Variants in TMEFF2 observed in about 807,000 individuals in gnomAD.
The protein encoded by TMEFF2 is transmembrane protein with EGF like and two follistatin like domains 2.
TMEFF2 carries 28 observed loss-of-function variants against 53.8 expected under a neutral mutation model. The observed-to-expected ratio is 0.52, with a 90% CI of 0.39 to 0.71. The LOEUF is 0.71. TMEFF2 is among the 30% of genes least tolerant of loss of function. TMEFF2 has a pLI of 0.00. For missense variants in TMEFF2, 353 were observed against 455.2 expected, an observed-to-expected ratio of 0.78 and a Z score of 2.04; for synonymous variants, 162 against 166.3, an observed-to-expected ratio of 0.97 and a Z score of 0.20.
At position 191,998,430 on chromosome 2, in the gene TMEFF2, A is replaced by G; in HGVS notation, c.686-109T>C. 3 of 759,842 alleles carry G rather than the reference A, an allele frequency of 3.9e-6. No homozygotes were observed. In the South Asian group the frequency reaches 5.9e-5, roughly 15 times the overall value. 47.1% of individuals were successfully genotyped at this position (759,842 alleles called of 1,614,324 possible). On this transcript the variant is annotated intron_variant, in intron 6 of 9. Transcript: ENST00000272771. ...TCTTCATTGCAATTAAGGAATTTTT[A>G]CAACTGTAGTTCTAAGCAACCTGCA...
chr2:192,127,463 G>A (rs186613563), intron 4 of TMEFF2, among the ~76,000 whole-genome samples: 45 of 152,178 alleles, frequency 3.0e-4, no homozygotes, highest in Non-Finnish European at 5.9e-4. Context: ...AATCCAAAAT[G>A]TAAAAATTAT....
At chr2:192,063,645 A>C (rs1036258088) in intron 4 of TMEFF2, among the ~76,000 whole-genome samples, 1 of 151,822 alleles carries the variant, frequency 6.6e-6, no homozygotes, top group Admixed American at 6.6e-5. Context: ...TTACTGAGAA[A>C]ATAGTGTTAA....
intron 5 of TMEFF2, among the ~76,000 whole-genome samples, chr2:192,038,210 A>G (rs954970997): frequency 5.9e-5 from 9 of 152,236 alleles, no homozygotes; most frequent in Admixed American, 2.6e-4. Context: ...ATGTTGACAG[A>G]ACAGGTAAGA....
chr2:191,995,407 G>C (rs1686200292), intron 7 of TMEFF2, among the ~76,000 whole-genome samples: 3 of 151,970 alleles, frequency 2.0e-5, no homozygotes, highest in Admixed American at 2.0e-4. Flanking sequence ...TCCCTCAGGT[G>C]GGAGAGTCCG....
At chr2:192,070,909 G>T (rs77887596) in intron 4 of TMEFF2, among the ~76,000 whole-genome samples, 1 of 151,830 alleles carries the variant, frequency 6.6e-6, no homozygotes, top group Non-Finnish European at 1.5e-5. Flanking sequence ...TTTCCTAGGT[G>T]CCTTGTGGTT....
intron 4 of TMEFF2, among the ~76,000 whole-genome samples, chr2:192,154,489 G>A (rs1164258975): frequency 6.6e-6 from 1 of 151,978 alleles, no homozygotes; most frequent in East Asian, 1.9e-4. Context: ...ACAGTGGAGA[G>A]CTTCTATTTA....
intron 4 of TMEFF2, among the ~76,000 whole-genome samples, chr2:192,075,444 G>A (rs1437546809): frequency 6.7e-6 from 1 of 150,270 alleles, no homozygotes; most frequent in Non-Finnish European, 1.5e-5. Context: ...TGGGACCCTT[G>A]AGCAGCATAT....
intron 5 of TMEFF2, among the ~76,000 whole-genome samples, chr2:192,023,740 C>A (rs1258795061): frequency 1.3e-5 from 2 of 152,070 alleles, no homozygotes; most frequent in Non-Finnish European, 2.9e-5. Context: ...TTCATTAGGT[C>A]TGCTAGTCAG....
chr2:191,998,405 T>C (rs974796915), intron 6 of TMEFF2, 84 bp from the exon 7 acceptor site: 4 of 1,000,636 alleles, frequency 4.0e-6, no homozygotes, highest in Non-Finnish European at 4.4e-6. Context: ...TCCAACAATA[T>C]CTTCATTGCA....
chr2:192,018,055 G>A (rs1379988734), intron 5 of TMEFF2, among the ~76,000 whole-genome samples: 4 of 152,112 alleles, frequency 2.6e-5, no homozygotes, highest in Non-Finnish European at 5.9e-5. Flanking sequence ...ACAAGCCTTT[G>A]GCTTGTTGAT....
chr2:192,142,302 G>A (rs1481360247), intron 4 of TMEFF2, among the ~76,000 whole-genome samples: 2 of 152,076 alleles, frequency 1.3e-5, no homozygotes, highest in African/African-American at 4.8e-5. Flanking sequence ...TTAGTTCTCA[G>A]TGGGCCAAAT....
At chr2:191,999,572 T>C (rs1340382892) in intron 5 of TMEFF2, among the ~76,000 whole-genome samples, 2 of 152,062 alleles carry the variant, frequency 1.3e-5, no homozygotes, top group African/African-American at 4.8e-5. Flanking sequence ...AATTGAATCT[T>C]ACTCTTCCTT....
intron 7 of TMEFF2, among the ~76,000 whole-genome samples, chr2:191,962,757 TATTA>T (rs1196058640): frequency 6.6e-5 from 10 of 152,222 alleles, no homozygotes; most frequent in African/African-American, 2.4e-4. Context: ...AAAATTTTAT[TATTA>T]ATTGCAAAAT....
intron 2 of TMEFF2, among the ~76,000 whole-genome samples, chr2:192,186,422 G>A (rs1377487497): frequency 6.6e-6 from 1 of 152,174 alleles, no homozygotes. Flanking sequence ...ACTGTGGCCA[G>A]CAAGGCAAGT....
At position 192,077,763 on chromosome 2, in the gene TMEFF2, C is replaced by T. The variant is rs143354141; in HGVS notation, c.440-19988G>A. Among the ~76,000 whole-genome samples, 210 of 151,836 alleles carry T rather than the reference C, an allele frequency of 1.4e-3. 1 individual carries two copies. The highest frequency in any genetic ancestry group is 2.6e-3 in the Non-Finnish European group (177 of 67,894). On this transcript the variant is annotated intron_variant, in intron 4 of 9. Coordinates refer to ENST00000272771, the MANE Select transcript of TMEFF2 (RefSeq NM_016192.4). ...GTGTATATAAATGAACATATGTGTT[C>T]ATATATACTTGTACACATACAATTT...
chr2:192,142,146 G>C (rs1690152159), intron 4 of TMEFF2, among the ~76,000 whole-genome samples: 1 of 152,074 alleles, frequency 6.6e-6, no homozygotes, highest in Admixed American at 6.5e-5. Context: ...ATCAAAATGA[G>C]ATCTTATTTT....
chr2:192,119,788 A>G (rs1226843020), intron 4 of TMEFF2, among the ~76,000 whole-genome samples: 1 of 152,186 alleles, frequency 6.6e-6, no homozygotes, highest in Non-Finnish European at 1.5e-5. Flanking sequence ...CCTCTAAATG[A>G]ATTGACAGCA....
chr2:192,008,757 T>G (rs544059323), intron 5 of TMEFF2, among the ~76,000 whole-genome samples: 1 of 152,322 alleles, frequency 6.6e-6, no homozygotes, highest in East Asian at 1.9e-4. Context: ...ATATTGAACG[T>G]TTAAGCACAT....
intron 5 of TMEFF2, among the ~76,000 whole-genome samples, chr2:192,045,421 G>GAT (rs1345123189): frequency 1.3e-5 from 2 of 152,136 alleles, no homozygotes. Context: ...GAAGTATGTG[G>GAT]ATAGATCTCT....
Sources: allele counts gnomAD v4.1 joint callset (sites outside exome capture counted in the v4.1 genomes callset), GRCh38; gene constraint gnomAD v4.1.1; transcripts MANE v1.5; gene names NCBI Gene and HGNC (gene_info 2026-07-23, HGNC 2026-07-21).